Variants in HNF4A observed in about 807,000 individuals in gnomAD.
The protein encoded by HNF4A is hepatocyte nuclear factor 4-alpha.
Under a neutral mutation model 52.4 loss-of-function variants are expected in HNF4A, and 15 were observed. The observed-to-expected ratio is 0.29, with a 90% CI of 0.19 to 0.44. The LOEUF (loss-of-function observed/expected upper bound fraction) is 0.44. Among genes scored for constraint, HNF4A ranks in the 20% least tolerant of loss-of-function variants. HNF4A has a pLI of 1.00. For missense variants in HNF4A, 479 were observed against 647.2 expected, an observed-to-expected ratio of 0.74 and a Z score of 2.82; for synonymous variants, 280 against 264.4, an observed-to-expected ratio of 1.06 and a Z score of -0.57.
chr20:44,387,657 G>GGGT (rs1555810289), intron 1 of HNF4A, among the ~76,000 whole-genome samples: 10 of 73,612 alleles, frequency 1.4e-4, no homozygotes, highest in Admixed American at 3.2e-4. Context: ...GAGGCAGGCG[G>GGGT]GGGGGGGGGG....
chr20:44,386,368 T>C (rs1600670932), intron 1 of HNF4A, among the ~76,000 whole-genome samples: 2 of 152,152 alleles, frequency 1.3e-5, no homozygotes, highest in East Asian at 3.9e-4. Context: ...GGTCTCACCA[T>C]GTTTGGCAGG....
At chr20:44,397,540 AC>A (rs1347755219), upstream of HNF4A, among the ~76,000 whole-genome samples, 7 of 152,140 alleles carry the variant, frequency 4.6e-5, no homozygotes, top group African/African-American at 1.7e-4. Flanking sequence ...TAATCGCTCT[AC>A]TGTGCTATAA....
At chr20:44,405,397 G>A (rs2063486436) in intron 1 of HNF4A, among the ~76,000 whole-genome samples, 1 of 152,306 alleles carries the variant, frequency 6.6e-6, no homozygotes, top group South Asian at 2.1e-4. Context: ...CAAGTTTACA[G>A]GCGAGTTAGT....
upstream of HNF4A, among the ~76,000 whole-genome samples, chr20:44,396,866 T>A (rs904042136): frequency 5.9e-5 from 9 of 152,186 alleles, no homozygotes; most frequent in Non-Finnish European, 8.8e-5. Context: ...TGCCTGGATT[T>A]TAACCTAGAT....
intron 3 of HNF4A, among the ~76,000 whole-genome samples, chr20:44,410,129 G>A (rs967909790): frequency 1.3e-5 from 2 of 152,218 alleles, no homozygotes; most frequent in Admixed American, 1.3e-4. Context: ...CACTGCGCCC[G>A]GCCCCTGGCC....
intron 8 of HNF4A, among the ~76,000 whole-genome samples, chr20:44,426,909 C>T (rs778323603): frequency 3.3e-5 from 5 of 152,090 alleles, no homozygotes; most frequent in Admixed American, 1.3e-4. Flanking sequence ...TATTAGATTA[C>T]GGGAGCTGGA....
rs748839686 is a variant in HNF4A at position 44,424,140 on chromosome 20, C to T, written c.1015C>T (p.Leu339=). 2 of 1,613,660 alleles carry T rather than the reference C, an allele frequency of 1.2e-6. No homozygotes were observed. Among genetic ancestry groups the T allele is most frequent in the South Asian group, 2.2e-5 (2 of 91,038 alleles). The stretch of plus-strand genomic sequence containing the variant: ...GCGTGGCCGCTTTGGAGAGCTGCTG[C>T]TGCTGCTGCCCACCTTGCAGAGCAT... Residue 339 remains leucine, a synonymous_variant, in exon 8 of 10, where the codon CTG becomes TTG. Coordinates refer to ENST00000316099, the MANE Select transcript of HNF4A (RefSeq NM_000457.6).
exon 1 of HNF4A, chr20:44,355,803 C>T: frequency 6.2e-7 from 1 of 1,613,510 alleles, no homozygotes; most frequent in East Asian, 2.2e-5. Flanking sequence ...GTGGGCTTGG[C>T]CATGGTCAGC....
At chr20:44,400,109 C>A (rs558868595), upstream of HNF4A, among the ~76,000 whole-genome samples, 1 of 152,318 alleles carries the variant, frequency 6.6e-6, no homozygotes, top group East Asian at 1.9e-4. Context: ...CAGCCAGGAC[C>A]AGCTGTGTAA....
chr20:44,379,110 T>C (rs1158619408), intron 1 of HNF4A, among the ~76,000 whole-genome samples: 1 of 152,166 alleles, frequency 6.6e-6, no homozygotes, highest in African/African-American at 2.4e-5. Context: ...ATCCATGTTG[T>C]AGCATGTGTC....
At chr20:44,411,591 A>G (rs1419291983) in intron 3 of HNF4A, among the ~76,000 whole-genome samples, 1 of 152,160 alleles carries the variant, frequency 6.6e-6, no homozygotes, top group Non-Finnish European at 1.5e-5. Flanking sequence ...CCCCGTCCAC[A>G]TGGTGGTCTG....
rs1473107967 is a variant in HNF4A, at chr20:44,372,352, C to T, written c.49+16499C>T. Among the ~76,000 whole-genome samples, 5 of 152,276 alleles carry T rather than the reference C, an allele frequency of 3.3e-5. No individual in the cohort carries two copies. The East Asian group carries it at 7.7e-4, about 24-fold the overall frequency. On this transcript the variant is annotated intron_variant, in intron 1 of 9. Transcript: ENST00000316673. ...TTTTCCATTCTTGCGTAGACCAATC[C>T]CAGTCAAATCTCTTGGGCTGGTGTC...
chr20:44,418,436 C>G lies in HNF4A; in HGVS notation c.660C>G (p.Leu220=), dbSNP rs777099767. Residue 220 remains leucine, a synonymous_variant, in exon 6 of 10, where the codon CTC becomes CTG. Transcript: ENST00000316099. ...CTTCTCTCTTTCAGGTGGCCCTGCTCAGAGCCCATGCTGGCGAGCACCTGC... is the reference window on the plus strand; with the variant it reads ...CTTCTCTCTTTCAGGTGGCCCTGCTGAGAGCCCATGCTGGCGAGCACCTGC... 6 of 1,613,868 alleles carry G rather than the reference C, an allele frequency of 3.7e-6. No individual in the cohort carries two copies. Among genetic ancestry groups the G allele is most frequent in the Non-Finnish European group, 4.2e-6 (5 of 1,179,926 alleles).
rs555316521 is a variant in HNF4A, at chr20:44,412,129, T to C, written c.386-1565T>C. Among the ~76,000 whole-genome samples the C allele has an allele frequency of 4.5e-4, 69 of 152,264 alleles. 1 individual carries two copies. The South Asian group carries it at 7.0e-3, about 16-fold the overall frequency. On this transcript the variant is annotated intron_variant, in intron 3 of 9. Coordinates refer to ENST00000316099, the MANE Select transcript of HNF4A (RefSeq NM_000457.6). ...CGTTCTCTCACTGCACAAATATTCA[T>C]TGAGTACCTACTGTGAACCAGGCCC...
intron 1 of HNF4A, among the ~76,000 whole-genome samples, chr20:44,382,282 G>A (rs1371626181): frequency 6.7e-6 from 1 of 148,378 alleles, no homozygotes; most frequent in African/African-American, 2.5e-5. Flanking sequence ...CTCTGCTGCC[G>A]GGCTAGAGTG....
At chr20:44,407,656 T>C (rs1307907589) in intron 3 of HNF4A, among the ~76,000 whole-genome samples, 181 bp downstream of exon 3, 1 of 152,006 alleles carries the variant, frequency 6.6e-6, no homozygotes, top group African/African-American at 2.4e-5. Flanking sequence ...GGGCTTGGTC[T>C]TGAGAAAGAT....
intron 1 of HNF4A, among the ~76,000 whole-genome samples, chr20:44,370,362 G>A (rs1280091732): frequency 6.6e-6 from 1 of 152,174 alleles, no homozygotes; most frequent in Non-Finnish European, 1.5e-5. Context: ...ATCACGCCAA[G>A]CACACTCCTG....
At chr20:44,388,825 G>A (rs749497323) in intron 1 of HNF4A, among the ~76,000 whole-genome samples, 11 of 152,352 alleles carry the variant, frequency 7.2e-5, no homozygotes, top group Non-Finnish European at 1.3e-4. Flanking sequence ...ATGAGGTGGG[G>A]CGGCAAAGGG....
At chr20:44,378,410 G>T (rs2063110353) in intron 1 of HNF4A, among the ~76,000 whole-genome samples, 1 of 151,830 alleles carries the variant, frequency 6.6e-6, no homozygotes, top group Admixed American at 6.6e-5. Context: ...TGGGGTTACA[G>T]GCATGCACCG....
Sources: gnomAD v4.1 joint callset for allele counts (sites outside exome capture counted in the v4.1 genomes callset) on GRCh38, gnomAD v4.1.1 for gene constraint, MANE v1.5 for transcripts, NCBI Gene and HGNC (gene_info 2026-07-23, HGNC 2026-07-21) for gene names.